Variants in TNRC6A observed in about 807,000 individuals in gnomAD.
The protein encoded by TNRC6A is trinucleotide repeat-containing gene 6A protein.
Under a neutral mutation model 221.2 loss-of-function variants are expected in TNRC6A, and 44 were observed. That is an observed-to-expected ratio of 0.20 (90% confidence interval 0.16 to 0.26). The LOEUF is 0.26. Ranked by LOEUF, TNRC6A falls within the 10% of genes least tolerant of loss-of-function variation. TNRC6A has a pLI of 1.00. For missense variants in TNRC6A, 2,199 were observed against 2,404.4 expected (o/e 0.91, Z 1.79); for synonymous variants, 847 against 838.5 (o/e 1.01, Z -0.18).
At chr16:24,674,676 CT>C (rs2055370763) in intron 2 of TNRC6A, among the ~76,000 whole-genome samples, 1 of 145,038 alleles carries the variant, frequency 6.9e-6, no homozygotes, top group Non-Finnish European at 1.5e-5. Flanking sequence ...TATTTATTCT[CT>C]TACAACACTG....
chr16:24,776,911 C>T, intron 4 of TNRC6A, 22 bp from the exon 5 acceptor site: 3 of 1,596,138 alleles, frequency 1.9e-6, no homozygotes, highest in Non-Finnish European at 2.6e-6. Context: ...CTTTTCCACC[C>T]CTTTTCTTTT....
At chr16:24,730,220 T>C in intron 1 of TNRC6A, 33 bp from the exon 2 acceptor site, 1 of 1,590,498 alleles carries the variant, frequency 6.3e-7, no homozygotes, top group Non-Finnish European at 8.5e-7. Flanking sequence ...TGTGTGTTTT[T>C]GTTTTGTTTT....
intron 2 of TNRC6A, among the ~76,000 whole-genome samples, chr16:24,699,287 C>T (rs1329239371): frequency 6.6e-6 from 1 of 152,146 alleles, no homozygotes; most frequent in African/African-American, 2.4e-5. Context: ...AGAATTCTCA[C>T]ATGGTGTGAA....
chr16:24,707,350 GCACACACACACACA>G (rs34395729), intron 2 of TNRC6A, among the ~76,000 whole-genome samples: 2 of 149,506 alleles, frequency 1.3e-5, no homozygotes, highest in African/African-American at 4.9e-5. Flanking sequence ...GAACATGGGC[GCACACACACACACA>G]CACACACACA....
At chr16:24,728,328 TC>T (rs1346714661), upstream of TNRC6A, among the ~76,000 whole-genome samples, 1 of 152,222 alleles carries the variant, frequency 6.6e-6, no homozygotes, top group Middle Eastern at 3.4e-3. Flanking sequence ...GTGTCTGTAA[TC>T]CCAGCTACTT....
chr16:24,627,360 G>A (rs1218358198), intron 1 of TNRC6A, among the ~76,000 whole-genome samples: 7 of 152,016 alleles, frequency 4.6e-5, no homozygotes, highest in Non-Finnish European at 7.4e-5. Flanking sequence ...ATTTATTCCC[G>A]TGTTCAAAAA....
At chr16:24,704,664 C>CAAAAAAAAAAAAAAAAA (rs58926085) in intron 2 of TNRC6A, among the ~76,000 whole-genome samples, 11 of 69,458 alleles carry the variant, frequency 1.6e-4, no homozygotes, top group South Asian at 5.8e-4. Context: ...GACTCCGTCT[C>CAAAAAAAAAAAAAAAAA]AAAAAAAAAA....
chr16:24,652,919 A>T (rs1161995966), intron 2 of TNRC6A, among the ~76,000 whole-genome samples: 1 of 152,234 alleles, frequency 6.6e-6, no homozygotes, highest in Non-Finnish European at 1.5e-5. Flanking sequence ...TAAATAGATT[A>T]GCCAAGAAAG....
chr16:24,614,662 C>T (rs1262746447), intron 1 of TNRC6A, among the ~76,000 whole-genome samples: 1 of 152,160 alleles, frequency 6.6e-6, no homozygotes, highest in Non-Finnish European at 1.5e-5. Flanking sequence ...AAATTTGGGC[C>T]ATATGGAACT....
rs975693002 is a variant in TNRC6A, at chr16:24,791,329, T to C, written c.2687T>C (p.Phe896Ser). The change falls in exon 6 of 25, where the codon TTC becomes TCC. Residue 896 changes from phenylalanine (F) to serine (S), a missense_variant. By Grantham distance (155) the Phe-to-Ser change is radical. Coordinates refer to ENST00000395799, the MANE Select transcript of TNRC6A (RefSeq NM_014494.4). ...AACGAACTTGGTAAAACTAGTTCTT[T>C]CACTTGGGGAAACAACATAAATCCA... is the stretch of plus-strand genomic sequence containing the variant. Reference protein sequence around the residue: ...GWNELGKTSSFTWGNNINPNN... With the variant: ...GWNELGKTSSSTWGNNINPNN... 11 of 1,605,790 alleles carry C rather than the reference T, an allele frequency of 6.9e-6. No individual in the cohort carries two copies. The highest frequency in any genetic ancestry group is 8.5e-6 in the Non-Finnish European group (10 of 1,175,650).
chr16:24,688,788 G>A (rs1051326322), intron 2 of TNRC6A, among the ~76,000 whole-genome samples: 3 of 152,086 alleles, frequency 2.0e-5, no homozygotes, highest in Non-Finnish European at 4.4e-5. Flanking sequence ...ATGAACCAAG[G>A]GAAATGCACC....
intron 2 of TNRC6A, among the ~76,000 whole-genome samples, chr16:24,700,868 C>G (rs1310774149): frequency 6.6e-6 from 1 of 152,324 alleles, no homozygotes; most frequent in African/African-American, 2.4e-5. Context: ...CCTGCCACCC[C>G]ATGTTCCGCC....
intron 2 of TNRC6A, among the ~76,000 whole-genome samples, chr16:24,649,178 G>A (rs1299819660): frequency 1.4e-4 from 22 of 152,176 alleles, no homozygotes; most frequent in Non-Finnish European, 1.0e-4. Context: ...AGTAAAAATT[G>A]TATATATTTA....
intron 2 of TNRC6A, among the ~76,000 whole-genome samples, chr16:24,716,786 C>T (rs1418754025): frequency 2.6e-5 from 4 of 151,330 alleles, no homozygotes; most frequent in Admixed American, 1.3e-4. Flanking sequence ...GGTGAAACCC[C>T]GTCTCTACGA....
intron 2 of TNRC6A, chr16:24,663,748 C>T (rs569521816): frequency 1.1e-4 from 38 of 355,912 alleles, no homozygotes; most frequent in Non-Finnish European, 1.8e-4. Flanking sequence ...GTGTCCATGG[C>T]TTTTCTTGGG....
intron 7 of TNRC6A, 38 bp from the exon 8 acceptor site, chr16:24,794,506 A>T: frequency 6.3e-7 from 1 of 1,576,976 alleles, no homozygotes; most frequent in South Asian, 1.2e-5. Flanking sequence ...TTCTTTTATT[A>T]AAGTATGTTT....
At chr16:24,625,732 CAAAACAAAAA>C (rs376761458) in intron 1 of TNRC6A, among the ~76,000 whole-genome samples, 26,236 of 77,802 alleles carry the variant, frequency 0.34, 3,148 homozygotes, top group Middle Eastern at 0.46. Context: ...GACTCCGTCT[CAAAACAAAAA>C]AAAAAAAAAA....
chr16:24,762,982 G>C (rs749704737), intron 4 of TNRC6A, among the ~76,000 whole-genome samples: 2 of 152,086 alleles, frequency 1.3e-5, no homozygotes, highest in Non-Finnish European at 2.9e-5. Flanking sequence ...TAAGCGTGTA[G>C]ATTTTTTTTT....
chr16:24,634,041 C>G (rs575464325), intron 1 of TNRC6A, among the ~76,000 whole-genome samples: 1 of 152,214 alleles, frequency 6.6e-6, no homozygotes, highest in Admixed American at 6.5e-5. Flanking sequence ...TTCAGCCCCC[C>G]AAAGTGCTAG....
Sources: gnomAD v4.1 joint callset for allele counts (sites outside exome capture counted in the v4.1 genomes callset) on GRCh38, gnomAD v4.1.1 for gene constraint, MANE v1.5 for transcripts, NCBI Gene and HGNC (gene_info 2026-07-23, HGNC 2026-07-21) for gene names.